The following PCDHGA8 variants were observed in gnomAD, a reference collection of about 807,000 sequenced individuals.
The protein encoded by PCDHGA8 is protocadherin gamma subfamily A, 8.
Under a neutral mutation model 59.2 loss-of-function variants are expected in PCDHGA8, and 45 were observed. The ratio of observed to expected loss-of-function variants is 0.76; its 90% CI spans 0.60 to 0.98. PCDHGA8 has a LOEUF of 0.98. Ranked by LOEUF, PCDHGA8 falls within the 50% of genes least tolerant of loss-of-function variation. PCDHGA8 has a pLI of 0.00. For synonymous variants in PCDHGA8, 531 were observed against 519.0 expected (o/e 1.02, Z -0.32); for missense variants, 1,257 against 1,196.2 (o/e 1.05, Z -0.75).
chr5:141,474,967 T>G (rs745581213), intron 1 of PCDHGA8, among the ~76,000 whole-genome samples: 6 of 152,252 alleles, frequency 3.9e-5, no homozygotes, highest in Non-Finnish European at 7.3e-5. Context: ...TCCTAATCAT[T>G]ATAATTTTGT....
intron 1 of PCDHGA8, among the ~76,000 whole-genome samples, chr5:141,460,003 A>AG (rs1177398494): frequency 6.6e-6 from 1 of 152,186 alleles, no homozygotes; most frequent in African/African-American, 2.4e-5. Context: ...GCTTGAACCC[A>AG]GGAGGCGGAG....
At chr5:141,448,316 T>G (rs1042171540) in intron 1 of PCDHGA8, among the ~76,000 whole-genome samples, 2 of 152,174 alleles carry the variant, frequency 1.3e-5, no homozygotes, top group Admixed American at 1.3e-4. Context: ...AGGAATCTTT[T>G]CTTTGAATCT....
intron 1 of PCDHGA8, among the ~76,000 whole-genome samples, chr5:141,467,772 C>A (rs972304213): frequency 1.3e-5 from 2 of 151,686 alleles, no homozygotes; most frequent in Admixed American, 6.6e-5. Flanking sequence ...AGTGCCCGCA[C>A]CTCAGCCTCT....
At chr5:141,421,009 T>C (rs948913987) in intron 1 of PCDHGA8, 1 of 515,496 alleles carries the variant, frequency 1.9e-6, no homozygotes, top group East Asian at 3.2e-5. Flanking sequence ...AATCAGGGAA[T>C]GGGAAGCTGC....
In PCDHGA8 at chr5:141,489,201, G is replaced by A. The variant is rs757039294; in HGVS notation, c.2425-5606G>A. ...AGCCCTGGGTCTACCTTGGAGACAG[G>A]ACAGCACAGACTTACTCTCCACAAA... On this transcript the variant is annotated intron_variant, in intron 1 of 3. Coordinates refer to ENST00000398604, the MANE Select transcript of PCDHGA8 (RefSeq NM_032088.2). This position sits in a 1 kb window ranked among gnomAD's most constrained non-coding sequence, Gnocchi z 4.5. The A allele has an allele frequency of 7.8e-6, 11 of 1,416,092 alleles. No individual in the cohort carries two copies. In the African/African-American group the frequency reaches 1.3e-4, roughly 17 times the overall value. 87.7% of individuals were successfully genotyped at this position (1,416,092 alleles called of 1,614,324 possible).
At chr5:141,504,502 G>A (rs2099838821) in intron 2 of PCDHGA8, among the ~76,000 whole-genome samples, 1 of 152,128 alleles carries the variant, frequency 6.6e-6, no homozygotes, top group Non-Finnish European at 1.5e-5. Context: ...CCCAGTCTGA[G>A]TGGATCTCCT....
Position 141,397,017 on chromosome 5 carries a change from G to T in PCDHGA8, c.2424+1780G>T, listed in dbSNP as rs149652099. On this transcript the variant is annotated intron_variant, in intron 1 of 3. Transcript: ENST00000398604. ...TAATCTGACAAATGGACTAAAGAAG[G>T]TTGACCAATGTCCACAAATTTATGT... Among the ~76,000 whole-genome samples, 399 of 152,296 alleles carry T rather than the reference G, an allele frequency of 2.6e-3. 1 individual carries two copies. Among genetic ancestry groups the T allele is most frequent in the Non-Finnish European group, 4.1e-3 (279 of 68,028 alleles).
At chr5:141,430,573 A>C (rs938248057) in intron 1 of PCDHGA8, 8 of 448,940 alleles carry the variant, frequency 1.8e-5, no homozygotes, top group Non-Finnish European at 3.0e-5. Context: ...AGAAAAGCGG[A>C]GATCCTGCTC....
rs1230384508 is a variant in PCDHGA8 at position 141,490,990 on chromosome 5, C to T, written c.2425-3817C>T. On this transcript the variant is annotated intron_variant, in intron 1 of 3. Coordinates refer to ENST00000398604, the MANE Select transcript of PCDHGA8 (RefSeq NM_032088.2). The surrounding 1 kb of genome is among the most constrained non-coding windows in gnomAD (Gnocchi z 5.4). ...CCCCCAGCGTCTCCCTCGCTCTGCT[C>T]CTCCTGGCTCCTTGGTCACCAAGGT... 6 of 1,614,102 alleles carry T rather than the reference C, an allele frequency of 3.7e-6. No homozygotes were observed. The highest frequency in any genetic ancestry group is 1.3e-5 in the African/African-American group (1 of 75,064).
At chr5:141,503,517 T>C (rs6878542) in intron 2 of PCDHGA8, among the ~76,000 whole-genome samples, 77,350 of 150,132 alleles carry the variant, frequency 0.52, 20,504 homozygotes, top group African/African-American at 0.63. Flanking sequence ...GAGAATCACT[T>C]GAACCTGGGA....
At chr5:141,405,476 G>A (rs1214119236) in intron 1 of PCDHGA8, 1 of 1,048,044 alleles carries the variant, frequency 9.5e-7, no homozygotes, top group Non-Finnish European at 1.4e-6. Flanking sequence ...CTGGAATGCA[G>A]TGGTGTGATC....
intron 1 of PCDHGA8, chr5:141,427,807 A>C (rs1443881781): frequency 6.6e-7 from 1 of 1,522,050 alleles, no homozygotes; most frequent in South Asian, 1.1e-5. Flanking sequence ...GTGAGCGCAC[A>C]GAGCGGGGTG....
chr5:141,489,592 C>A lies in PCDHGA8; in HGVS notation c.2425-5215C>A, dbSNP rs747085985. On this transcript the variant is annotated intron_variant, in intron 1 of 3. Coordinates refer to ENST00000398604, the MANE Select transcript of PCDHGA8 (RefSeq NM_032088.2). The surrounding 1 kb of genome is among the most constrained non-coding windows in gnomAD (Gnocchi z 4.5). ...GACTGAACACCCCCTGGAGCTAATCCGTGTAGAGGTAGAGATCCTGGATCT... is the reference window on the plus strand; with the variant it reads ...GACTGAACACCCCCTGGAGCTAATCAGTGTAGAGGTAGAGATCCTGGATCT... 3 of 1,614,046 alleles carry A rather than the reference C, an allele frequency of 1.9e-6. No homozygotes were observed. Among genetic ancestry groups the A allele is most frequent in the Non-Finnish European group, 2.5e-6 (3 of 1,179,978 alleles).
chr5:141,494,306 T>G (rs1432951954), intron 1 of PCDHGA8, among the ~76,000 whole-genome samples: 1 of 152,212 alleles, frequency 6.6e-6, no homozygotes, highest in Non-Finnish European at 1.5e-5. Flanking sequence ...AATGTGTCAC[T>G]GCACAACCTG....
Position 141,485,187 on chromosome 5 carries a change from T to A in PCDHGA8, c.2425-9620T>A, listed in dbSNP as rs1325714839. ...CGGGCGGCAGCAATGCTCCGCAAGG[T>A]GAGAAGCTGGACAGAAATCTGGCGG... On this transcript the variant is annotated intron_variant, in intron 1 of 3. Transcript: ENST00000398604. This position sits in a 1 kb window ranked among gnomAD's most constrained non-coding sequence, Gnocchi z 5.7. 1 of 1,613,502 alleles carries A rather than the reference T, an allele frequency of 6.2e-7. No individual in the cohort carries two copies. The highest frequency in any genetic ancestry group is 1.7e-5 in the Admixed American group (1 of 60,018).
intron 1 of PCDHGA8, among the ~76,000 whole-genome samples, chr5:141,434,746 C>T (rs1591345130): frequency 6.6e-6 from 1 of 151,796 alleles, no homozygotes; most frequent in South Asian, 2.1e-4. Context: ...GGCTATGAGA[C>T]CCCTGATTCC....
chr5:141,432,561 A>C lies in PCDHGA8; in HGVS notation c.2424+37324A>C, dbSNP rs746684751. On this transcript the variant is annotated intron_variant, in intron 1 of 3. Transcript: ENST00000398604. This position sits in a 1 kb window ranked among gnomAD's most constrained non-coding sequence, Gnocchi z 6.0. Reference sequence around the variant, plus strand: ...GCGGTGGACAGAGACTCCGGCCAGAACGCCTGGCTGTCCTACCGTCTGCTC... The same window carrying C: ...GCGGTGGACAGAGACTCCGGCCAGACCGCCTGGCTGTCCTACCGTCTGCTC... 37 of 1,613,308 alleles carry C rather than the reference A, an allele frequency of 2.3e-5. 1 individual carries two copies. The highest frequency in any genetic ancestry group is 2.7e-5 in the African/African-American group (2 of 74,712).
chr5:141,413,024 C>A, intron 1 of PCDHGA8: 2 of 736,250 alleles, frequency 2.7e-6, no homozygotes, highest in Non-Finnish European at 4.2e-6. Flanking sequence ...ACAAGCCCCA[C>A]AAACCGGCTG....
In PCDHGA8 at chr5:141,430,991, A is replaced by G. The variant is rs2097333608; in HGVS notation, c.2424+35754A>G. 2.5e-6 allele frequency: 4 copies of G among 1,613,862 alleles called. No individual in the cohort carries two copies. In the East Asian group the frequency reaches 8.9e-5, roughly 36 times the overall value. ...AGGTAGGACGCAGCTTTTCGCCCTGAATCCGCGCAGCGGCAGCTTGGTCAC... is the reference window on the plus strand; with the variant it reads ...AGGTAGGACGCAGCTTTTCGCCCTGGATCCGCGCAGCGGCAGCTTGGTCAC... On this transcript the variant is annotated intron_variant, in intron 1 of 3. Coordinates refer to ENST00000398604, the MANE Select transcript of PCDHGA8 (RefSeq NM_032088.2).
Sources: allele counts gnomAD v4.1 joint callset (sites outside exome capture counted in the v4.1 genomes callset), GRCh38; gene constraint gnomAD v4.1.1; non-coding constraint Gnocchi (gnomAD v3.1); transcripts MANE v1.5; gene names NCBI Gene and HGNC (gene_info 2026-07-23, HGNC 2026-07-21).